Variants in CFAP92 observed in about 807,000 individuals in gnomAD.
The protein encoded by CFAP92 is uncharacterized protein CFAP92.
Under a neutral mutation model 106.3 loss-of-function variants are expected in CFAP92, and 86 were observed. The ratio of observed to expected loss-of-function variants is 0.81; its 90% CI spans 0.68 to 0.97. The LOEUF is 0.97. CFAP92 is among the 50% of genes least tolerant of loss of function. CFAP92 has a pLI of 0.00. For missense variants in CFAP92, 1,204 were observed against 1,283.8 expected, an observed-to-expected ratio of 0.94 and a Z score of 0.95; for synonymous variants, 477 against 506.4, an observed-to-expected ratio of 0.94 and a Z score of 0.78.
chr3:128,933,069 C>A, intron 11 of CFAP92, 72 bp from the exon 12 acceptor site: 1 of 1,391,326 alleles, frequency 7.2e-7, no homozygotes. Context: ...TCCCATCCTA[C>A]AGCAGGAAAT....
chr3:128,968,932 G>T, intron 8 of CFAP92: 2 of 159,048 alleles, frequency 1.3e-5, no homozygotes, highest in South Asian at 3.8e-4. Flanking sequence ...TATCCCCAGT[G>T]ACCTGCATGT....
upstream of CFAP92, chr3:129,003,765 C>A: frequency 2.2e-6 from 3 of 1,386,242 alleles, no homozygotes; most frequent in South Asian, 3.0e-5. Context: ...GGGCACTTAC[C>A]CCCTGCCCCT....
At chr3:128,953,840 C>T (rs1482828294) in intron 9 of CFAP92, among the ~76,000 whole-genome samples, 16 of 124,714 alleles carry the variant, frequency 1.3e-4, no homozygotes, top group South Asian at 5.1e-4. Context: ...CCCCTAACCG[C>T]GAGTGATCCG....
intron 9 of CFAP92, among the ~76,000 whole-genome samples, chr3:128,949,494 C>T (rs1940577412): frequency 6.6e-6 from 1 of 152,188 alleles, no homozygotes; most frequent in African/African-American, 2.4e-5. Context: ...CTGCATGATG[C>T]TGCAAAACAC....
At chr3:128,924,353 C>G (rs1937522905) in intron 12 of CFAP92, among the ~76,000 whole-genome samples, 1 of 151,734 alleles carries the variant, frequency 6.6e-6, no homozygotes, top group South Asian at 2.1e-4. Flanking sequence ...GGGCATAAAA[C>G]CCCTTGCGGC....
rs1941082640 is a variant in CFAP92, at chr3:128,953,731, TCAGCCTGCCGAGTGCCTGCGATTG to T, written c.1354-7780_1354-7757del. Among the ~76,000 whole-genome samples the T allele has an allele frequency of 1.6e-5, 2 of 124,806 alleles. 1 individual carries two copies. Among genetic ancestry groups the T allele is most frequent in the African/African-American group, 7.7e-5 (2 of 25,984 alleles). The allele number at this position is 124,806 out of a possible 152,430, so 81.9% of individuals were successfully genotyped here. ...AACCTCCCTGCCTGATTCTCCTGCCTCAGCCTGCCGAGTGCCTGCGATTGCAGGCACGCGCCACCACGCCTGACT... is the reference window on the plus strand; with the variant it reads ...AACCTCCCTGCCTGATTCTCCTGCCTCAGGCACGCGCCACCACGCCTGACT... On this transcript the variant is annotated intron_variant, in intron 9 of 15. Coordinates refer to ENST00000645291, the MANE Select transcript of CFAP92 (RefSeq NM_001394090.1).
At chr3:128,926,987 G>A (rs1937724163) in intron 12 of CFAP92, among the ~76,000 whole-genome samples, 1 of 152,082 alleles carries the variant, frequency 6.6e-6, no homozygotes, top group Admixed American at 6.6e-5. Context: ...CCAGCTACTT[G>A]AGAGGCTGAG....
Position 128,915,552 on chromosome 3 carries a change from C to T in CFAP92, c.2928G>A (p.Lys976=). The T allele has an allele frequency of 1.3e-6, 2 of 1,512,200 alleles. No homozygotes were observed. Among genetic ancestry groups the T allele is most frequent in the Non-Finnish European group, 1.8e-6 (2 of 1,135,096 alleles). The allele number at this position is 1,512,200 out of a possible 1,614,324, so 93.7% of individuals were successfully genotyped here. The change falls in exon 14 of 16, where the codon AAG becomes AAA. Residue 976 remains lysine, a synonymous_variant. Transcript: ENST00000645291. ...GGTAATCCTGTGAGTACGTGAATCTCTTTCTTGGCTCCTAGAAATGGGGGC... is the reference window on the plus strand; with the variant it reads ...GGTAATCCTGTGAGTACGTGAATCTTTTTCTTGGCTCCTAGAAATGGGGGC... ...LYQEIAKEPR[K]RFTYSQDYLS...
At chr3:128,992,440 T>C (rs773715355) in intron 2 of CFAP92, among the ~76,000 whole-genome samples, 12 of 151,934 alleles carry the variant, frequency 7.9e-5, no homozygotes, top group East Asian at 2.0e-4. Flanking sequence ...CGTGCACCTG[T>C]AATCCCAGCT....
intron 10 of CFAP92, among the ~76,000 whole-genome samples, chr3:128,940,428 A>G (rs1258879475): frequency 6.6e-6 from 1 of 152,156 alleles, no homozygotes. Context: ...AAGTGGCTGC[A>G]CCTACATTCC....
At chr3:128,956,440 T>C (rs1032498478) in intron 9 of CFAP92, among the ~76,000 whole-genome samples, 1 of 151,762 alleles carries the variant, frequency 6.6e-6, no homozygotes, top group African/African-American at 2.4e-5. Flanking sequence ...TTTGGCAAAA[T>C]ACATAAGCCT....
At chr3:128,995,212 C>T (rs1944434979), upstream of CFAP92, among the ~76,000 whole-genome samples, 1 of 152,196 alleles carries the variant, frequency 6.6e-6, no homozygotes, top group Non-Finnish European at 1.5e-5. Context: ...GGGCTGAGAC[C>T]CAAGTCCTGA....
intron 1 of CFAP92, chr3:129,001,763 G>T: frequency 6.5e-7 from 1 of 1,542,504 alleles, no homozygotes; most frequent in African/African-American, 1.4e-5. Context: ...GCGGCGTGGA[G>T]AACGAGATCG....
rs758796821 is a variant in CFAP92 at position 128,988,803 on chromosome 3, G to A, written c.378C>T (p.Asp126=). ...FYHIEYFLLP[D]DEEPKKVDIL... ...TGTCAACTTTTTTAGGTTCTTCATC[G>A]TCCGGCAGAAGGAAATACTCAATGT... The change falls in exon 3 of 16, where the codon GAC becomes GAT. Residue 126 remains aspartate, a synonymous_variant. Coordinates refer to ENST00000645291, the MANE Select transcript of CFAP92 (RefSeq NM_001394090.1). 2.6e-5 allele frequency: 42 copies of A among 1,613,510 alleles called. No homozygotes were observed. The highest frequency in any genetic ancestry group is 1.1e-4 in the East Asian group (5 of 44,722).
chr3:128,919,448 T>C (rs1365141546), intron 12 of CFAP92, among the ~76,000 whole-genome samples: 1 of 152,194 alleles, frequency 6.6e-6, no homozygotes, highest in African/African-American at 2.4e-5. Context: ...ATATTGTATA[T>C]TGAGGACAAC....
At chr3:129,001,620 G>T (rs898853214) in intron 1 of CFAP92, 2 of 1,350,804 alleles carry the variant, frequency 1.5e-6, no homozygotes, top group African/African-American at 3.1e-5. Context: ...CGAGGCGCGC[G>T]GCGCAGCGAT....
chr3:128,931,199 C>T (rs996958539), intron 12 of CFAP92, among the ~76,000 whole-genome samples: 11 of 151,556 alleles, frequency 7.3e-5, no homozygotes, highest in East Asian at 2.0e-4. Flanking sequence ...GGCACTGTGC[C>T]GCATTGAGAC....
chr3:129,018,748 C>G, the CFAP92 span, among the ~76,000 whole-genome samples: 1 of 152,232 alleles, frequency 6.6e-6, no homozygotes, highest in African/African-American at 2.4e-5. Context: ...CAGTCCCTCC[C>G]CGGTGATTTC....
chr3:128,982,683 G>A (rs1327464568), intron 4 of CFAP92, among the ~76,000 whole-genome samples: 1 of 152,182 alleles, frequency 6.6e-6, no homozygotes, highest in Admixed American at 6.5e-5. Flanking sequence ...GGAGAGATGT[G>A]CAAGGCCTCC....
Sources: gnomAD v4.1 joint callset for allele counts (sites outside exome capture counted in the v4.1 genomes callset) on GRCh38, gnomAD v4.1.1 for gene constraint, MANE v1.5 for transcripts, NCBI Gene and HGNC (gene_info 2026-07-23, HGNC 2026-07-21) for gene names.